The following NLGN1 variants were observed in gnomAD, a reference collection of about 807,000 sequenced individuals.
NLGN1 encodes neuroligin 1, also known as neuroligin-1.
In NLGN1, 12 loss-of-function variants were observed where a neutral mutation model predicts 65.5. The ratio of observed to expected loss-of-function variants is 0.18; its 90% CI spans 0.12 to 0.30. NLGN1 has a LOEUF of 0.30. Ranked by LOEUF, NLGN1 falls within the 10% of genes least tolerant of loss-of-function variation. The pLI is 1.00. For synonymous variants in NLGN1, 350 were observed against 359.5 expected (o/e 0.97, Z 0.30); for missense variants, 750 against 1,007.1 (o/e 0.74, Z 3.46).
chr3:173,824,439 T>A (rs1439264022), intron 4 of NLGN1, among the ~76,000 whole-genome samples: 1 of 152,108 alleles, frequency 6.6e-6, no homozygotes, highest in Admixed American at 6.6e-5. Context: ...TGTAATCAAT[T>A]ATGCCCTTGT....
chr3:173,762,085 T>C (rs973730581), intron 3 of NLGN1, among the ~76,000 whole-genome samples: 2 of 152,116 alleles, frequency 1.3e-5, no homozygotes, highest in African/African-American at 4.8e-5. Context: ...TCAAACTGAT[T>C]ATTTCATTTA....
chr3:174,165,493 A>G (rs1439583542), intron 4 of NLGN1, among the ~76,000 whole-genome samples: 1 of 152,122 alleles, frequency 6.6e-6, no homozygotes, highest in Non-Finnish European at 1.5e-5. Context: ...TACATGGTGA[A>G]TCACATTTAT....
chr3:174,145,393 G>A (rs558726342), intron 4 of NLGN1, among the ~76,000 whole-genome samples: 1 of 151,960 alleles, frequency 6.6e-6, no homozygotes, highest in Non-Finnish European at 1.5e-5. Flanking sequence ...CGCACCTGTA[G>A]TTCCAGTTAC....
intron 2 of NLGN1, among the ~76,000 whole-genome samples, chr3:173,589,108 A>G (rs932155583): frequency 1.2e-4 from 18 of 152,230 alleles, no homozygotes; most frequent in Non-Finnish European, 5.9e-5. Flanking sequence ...GACCTAACTA[A>G]TGCAGTTGAC....
chr3:173,953,785 C>T (rs1748675476), intron 4 of NLGN1, among the ~76,000 whole-genome samples: 1 of 152,074 alleles, frequency 6.6e-6, no homozygotes, highest in Non-Finnish European at 1.5e-5. Flanking sequence ...CTCAAGCTAT[C>T]CTCCCACCTT....
At chr3:174,020,031 A>C (rs770250327) in intron 4 of NLGN1, among the ~76,000 whole-genome samples, 7 of 152,108 alleles carry the variant, frequency 4.6e-5, no homozygotes, top group Non-Finnish European at 7.4e-5. Context: ...AATACATTGT[A>C]TTATAGTAGA....
Position 174,279,473 on chromosome 3 carries a change from A to G in NLGN1, c.1472A>G (p.His491Arg), listed in dbSNP as rs1341405280. 6.2e-7 allele frequency: 1 copy of G among 1,613,076 alleles called. No individual in the cohort carries two copies. The highest frequency in any genetic ancestry group is 2.2e-5 in the East Asian group (1 of 44,834). The stretch of plus-strand genomic sequence containing the variant: ...ACGTACTTCTATGCCTTTTACCATC[A>G]TTGCCAAACAGATCAGGTTCCAGCT... Residue 491 changes from histidine to arginine, a missense_variant, in exon 6 of 7, where the codon CAT (histidine) becomes CGT (arginine). Physicochemically the swap from His to Arg is conservative, Grantham distance 29. Coordinates refer to ENST00000457714, the Ensembl canonical transcript of NLGN1. The surrounding 1 kb of genome is among the most constrained non-coding windows in gnomAD (Gnocchi z 4.7).
chr3:173,990,560 T>C (rs1720883686), intron 4 of NLGN1, among the ~76,000 whole-genome samples: 1 of 152,198 alleles, frequency 6.6e-6, no homozygotes, highest in Admixed American at 6.5e-5. Context: ...TCAGAGGGTC[T>C]TAATCTATTT....
At chr3:173,984,761 C>T (rs772131045) in intron 4 of NLGN1, among the ~76,000 whole-genome samples, 4 of 152,124 alleles carry the variant, frequency 2.6e-5, no homozygotes, top group Non-Finnish European at 4.4e-5. Flanking sequence ...TGCCTGTTGC[C>T]AGCTGGGTGC....
At chr3:173,486,384 C>A (rs145030906) in intron 2 of NLGN1, among the ~76,000 whole-genome samples, 20 of 152,052 alleles carry the variant, frequency 1.3e-4, no homozygotes, top group Non-Finnish European at 2.8e-4. Flanking sequence ...TAATGTTCAC[C>A]GATATTTTGA....
chr3:174,045,763 T>C (rs1367545741), intron 4 of NLGN1, among the ~76,000 whole-genome samples: 1 of 152,102 alleles, frequency 6.6e-6, no homozygotes, highest in African/African-American at 2.4e-5. Context: ...CTTTACTCTA[T>C]ATTTTACTGA....
At chr3:173,786,451 A>G (rs1182356373) in intron 3 of NLGN1, among the ~76,000 whole-genome samples, 3 of 152,190 alleles carry the variant, frequency 2.0e-5, no homozygotes, top group Non-Finnish European at 4.4e-5. Context: ...TTTCTACTTC[A>G]TTTCAACAAA....
intron 4 of NLGN1, among the ~76,000 whole-genome samples, chr3:174,261,156 T>A (rs199651747): frequency 6.6e-6 from 1 of 152,126 alleles, no homozygotes; most frequent in Admixed American, 6.5e-5. Context: ...TAGGATTGCC[T>A]TGGCGATGCA....
At chr3:173,415,943 A>AGAGAGCGCGC (rs141095727) in intron 1 of NLGN1, among the ~76,000 whole-genome samples, 100 of 142,818 alleles carry the variant, frequency 7.0e-4, no homozygotes, top group African/African-American at 2.1e-3. Flanking sequence ...AGAGAGAGAG[A>AGAGAGCGCGC]GCTTGGTATA....
chr3:173,966,841 A>G (rs755907125), intron 4 of NLGN1, among the ~76,000 whole-genome samples: 1 of 152,208 alleles, frequency 6.6e-6, no homozygotes, highest in African/African-American at 2.4e-5. Context: ...CTGAACCAGG[A>G]TGTATTTTGC....
At chr3:173,484,263 G>A (rs1727787730) in intron 2 of NLGN1, among the ~76,000 whole-genome samples, 1 of 151,720 alleles carries the variant, frequency 6.6e-6, no homozygotes, top group African/African-American at 2.4e-5. Flanking sequence ...ATGCTTAATG[G>A]ATGACAAAAT....
intron 4 of NLGN1, among the ~76,000 whole-genome samples, chr3:174,177,890 T>A (rs1349647386): frequency 6.6e-6 from 1 of 152,062 alleles, no homozygotes; most frequent in Non-Finnish European, 1.5e-5. Flanking sequence ...TAGACAGCAA[T>A]ACTGCCCCGG....
intron 4 of NLGN1, among the ~76,000 whole-genome samples, chr3:174,025,719 G>A (rs908896245): frequency 1.3e-5 from 2 of 152,274 alleles, no homozygotes; most frequent in East Asian, 3.9e-4. Flanking sequence ...GGACTGCTAA[G>A]GATGCAGGAA....
chr3:173,915,774 C>A (rs1465249986), intron 4 of NLGN1, among the ~76,000 whole-genome samples: 2 of 150,844 alleles, frequency 1.3e-5, no homozygotes, highest in Non-Finnish European at 2.9e-5. Flanking sequence ...CATTGAATAG[C>A]CTTTTTCTTT....
Sources: gnomAD v4.1 joint callset for allele counts (sites outside exome capture counted in the v4.1 genomes callset) on GRCh38, gnomAD v4.1.1 for gene constraint, Gnocchi (gnomAD v3.1) non-coding constraint, MANE v1.5 for transcripts, NCBI Gene and HGNC (gene_info 2026-07-23, HGNC 2026-07-21) for gene names.